The following ZNF430 variants were observed in gnomAD, a reference collection of about 807,000 sequenced individuals.
The protein encoded by ZNF430 is zinc finger protein 430.
Under a neutral mutation model 56.7 loss-of-function variants are expected in ZNF430, and 35 were observed. That is an observed-to-expected ratio of 0.62 (90% CI 0.47 to 0.82). ZNF430 has a LOEUF of 0.82. Among genes scored for constraint, ZNF430 ranks in the 40% least tolerant of loss-of-function variants. The probability of loss-of-function intolerance (pLI) is 0.00; values close to 1 mark genes in which losing one functional copy is unlikely to be tolerated. For synonymous variants in ZNF430, 212 were observed against 224.3 expected, an observed-to-expected ratio of 0.94 and a Z score of 0.49; for missense variants, 574 against 661.0, an observed-to-expected ratio of 0.87 and a Z score of 1.44.
intron 4 of ZNF430, among the ~76,000 whole-genome samples, chr19:21,056,018 G>A (rs1400381949): frequency 2.0e-5 from 3 of 152,202 alleles, no homozygotes; most frequent in Non-Finnish European, 4.4e-5. Flanking sequence ...TGGCAGTGGG[G>A]AGCAGGAAGA....
chr19:21,054,816 A>G (rs1367665486), intron 4 of ZNF430, among the ~76,000 whole-genome samples: 2 of 151,434 alleles, frequency 1.3e-5, no homozygotes, highest in Admixed American at 6.6e-5. Flanking sequence ...CTGGGACTAC[A>G]GGCGCCCGCC....
chr19:21,048,082 T>C (rs1214361875), intron 4 of ZNF430, among the ~76,000 whole-genome samples: 2 of 152,064 alleles, frequency 1.3e-5, no homozygotes, highest in South Asian at 2.1e-4. Context: ...ATTTTTTCAT[T>C]TTTTGCATAC....
intron 4 of ZNF430, among the ~76,000 whole-genome samples, chr19:21,040,087 C>A (rs1326184777): frequency 6.6e-6 from 1 of 152,180 alleles, no homozygotes; most frequent in Admixed American, 6.5e-5. Flanking sequence ...ATCCTCCCAC[C>A]TTCATCTTCC....
At chr19:21,054,435 T>A (rs1968335514) in intron 4 of ZNF430, among the ~76,000 whole-genome samples, 1 of 151,922 alleles carries the variant, frequency 6.6e-6, no homozygotes. Flanking sequence ...TTGATAGCTA[T>A]TTTTTTCAGG....
rs1968389157 is a variant in ZNF430, at chr19:21,056,937, G to A, written c.629G>A (p.Cys210Tyr). 1.2e-6 allele frequency: 2 copies of A among 1,613,324 alleles called. No individual in the cohort carries two copies. Among genetic ancestry groups the A allele is most frequent in the Non-Finnish European group, 8.5e-7 (1 of 1,179,750 alleles). Residue 210 changes from cysteine (C) to tyrosine (Y), a missense_variant, in exon 5 of 5, where the codon TGT becomes TAT. Physicochemically the swap from Cys to Tyr is radical, Grantham distance 194. Around this residue, in one of 3 missense-constraint regions of ZNF430, gnomAD observed 346 missense variants for 399.1 expected, o/e 0.87. Coordinates refer to ENST00000261560, the MANE Select transcript of ZNF430 (RefSeq NM_025189.4). ...AAGAAGCCTTTCAAATGTAAAAAAT[G>A]TGACAAATCGTTTTGCATGCTTTTA... ...TGKKPFKCKKCDKSFCMLLHL... is the reference protein window; with the variant it reads ...TGKKPFKCKKYDKSFCMLLHL...
In ZNF430 at chr19:21,033,457, G is replaced by A. The variant is rs1342273222; in HGVS notation, c.98G>A (p.Gly33Glu). The change falls in exon 3 of 5, where the codon GGG becomes GAG. Residue 33 changes from glycine to glutamate, a missense_variant and splice_region_variant. Physicochemically the swap from Gly to Glu is moderately conservative, Grantham distance 98 (BLOSUM62 -2). This residue lies in a region of ZNF430 where 346 missense variants were observed against 399.1 expected (regional missense o/e 0.87). Coordinates refer to ENST00000261560, the MANE Select transcript of ZNF430 (RefSeq NM_025189.4). ...NLLVYSFYEK[G>E]PLTFRDVAIE... ...GTCTTGTGTGCTTGTGTTTTTCAGG[G>A]GCCATTGACATTTAGGGATGTGGCC... is the stretch of plus-strand genomic sequence containing the variant. 6.2e-7 allele frequency: 1 copy of A among 1,608,778 alleles called. No individual in the cohort carries two copies. The highest frequency in any genetic ancestry group is 1.1e-5 in the South Asian group (1 of 90,668).
intron 4 of ZNF430, among the ~76,000 whole-genome samples, chr19:21,037,969 A>T (rs1968033656): frequency 6.6e-6 from 1 of 151,596 alleles, no homozygotes; most frequent in African/African-American, 2.4e-5. Context: ...ATTAACTGTG[A>T]CATGTAATTT....
chr19:21,025,282 A>G lies in ZNF430; in HGVS notation c.96+2401A>G, dbSNP rs1381160974. ...TTAGACAATATAAAGTCATTTTCTG[A>G]TGTTTCCATGATGTCTCCATGGCAT... On this transcript the variant is annotated intron_variant, in intron 2 of 4. Transcript: ENST00000261560. Among the ~76,000 whole-genome samples the G allele has an allele frequency of 2.6e-5, 4 of 152,316 alleles. No individual in the cohort carries two copies. In the South Asian group the frequency reaches 8.3e-4, roughly 32 times the overall value.
rs764196589 is a variant in ZNF430 at position 21,057,851 on chromosome 19, T to C, written c.1543T>C (p.Tyr515His). 2.5e-6 allele frequency: 4 copies of C among 1,613,966 alleles called. No individual in the cohort carries two copies. The highest frequency in any genetic ancestry group is 3.3e-5 in the Admixed American group (2 of 60,012). The change falls in exon 5 of 5, where the codon TAC becomes CAC. Residue 515 changes from tyrosine (Y) to histidine (H), a missense_variant. Physicochemically the swap from Tyr to His is moderately conservative, Grantham distance 83. Around this residue, in one of 3 missense-constraint regions of ZNF430, gnomAD observed 213 missense variants for 221.0 expected, o/e 0.96. Transcript: ENST00000261560. The part of the protein sequence containing the change: ...ITHIGDTSYK[Y>H]LECDKAFSQS... ...TCATATTGGAGATACATCTTACAAA[T>C]ACCTAGAATGTGATAAAGCCTTTAG...
rs1599513437 is a variant in ZNF430, at chr19:21,059,803, G to T, written c.*1782G>T. ...TAAAAACATGAGTCTTTTTTATTAG[G>T]TGGCCATTATTTATGATCTTTTCTA... On this transcript the variant is annotated 3_prime_UTR_variant, in exon 5 of 5. Coordinates refer to ENST00000261560, the MANE Select transcript of ZNF430 (RefSeq NM_025189.4). 2.0e-5 allele frequency: 3 copies of T among 151,924 alleles called. No individual in the cohort carries two copies. Among genetic ancestry groups the T allele is most frequent in the African/African-American group, 7.2e-5 (3 of 41,448 alleles). 9.4% of individuals were successfully genotyped at this position (151,924 alleles called of 1,614,324 possible). A position where few individuals can be genotyped will look rare whatever the true frequency, so the allele number is the denominator to read the frequency against.
intron 4 of ZNF430, chr19:21,035,134 T>G (rs988047429): frequency 3.3e-5 from 5 of 152,194 alleles, no homozygotes; most frequent in African/African-American, 1.2e-4. Context: ...AGGGAATTTA[T>G]TGAATCTATA....
At chr19:21,044,264 C>G (rs923236953) in intron 4 of ZNF430, among the ~76,000 whole-genome samples, 3 of 151,968 alleles carry the variant, frequency 2.0e-5, no homozygotes, top group African/African-American at 4.8e-5. Context: ...CCATAAATAC[C>G]TAGTTTATTG....
chr19:21,020,966 G>T (rs1974287070), intron 1 of ZNF430, among the ~76,000 whole-genome samples, 163 bp downstream of exon 1: 2 of 152,186 alleles, frequency 1.3e-5, no homozygotes, highest in African/African-American at 4.8e-5. Flanking sequence ...TAAGATGGCG[G>T]CTGCGCTGAC....
intron 4 of ZNF430, among the ~76,000 whole-genome samples, chr19:21,037,895 C>A (rs1315496283): frequency 6.6e-6 from 1 of 151,760 alleles, no homozygotes; most frequent in South Asian, 2.1e-4. Context: ...AAATTTAGTT[C>A]AATTGTTAAT....
At chr19:21,021,214 A>G (rs775199256) in intron 1 of ZNF430, among the ~76,000 whole-genome samples, 8 of 152,026 alleles carry the variant, frequency 5.3e-5, no homozygotes, top group Non-Finnish European at 8.8e-5. Context: ...TTAAAAATGT[A>G]CAGACCGGGA....
intron 4 of ZNF430, among the ~76,000 whole-genome samples, chr19:21,054,843 T>G (rs1968345461): frequency 1.3e-5 from 2 of 151,650 alleles, no homozygotes; most frequent in Admixed American, 1.3e-4. Flanking sequence ...CCCGGCTGAT[T>G]TTTTCTTTTT....
rs145942996 is a variant in ZNF430 at position 21,030,993 on chromosome 19, A to G, written c.97-2463A>G. Among the ~76,000 whole-genome samples, 141 of 152,058 alleles carry G rather than the reference A, an allele frequency of 9.3e-4. 1 individual carries two copies. The highest frequency in any genetic ancestry group is 3.2e-3 in the African/African-American group (131 of 41,468). ...CGCCTCCTGGGTTCAAGCCATTCTT[A>G]TGCCTCAGCCTCCTGAGTAGCTGGG... On this transcript the variant is annotated intron_variant, in intron 2 of 4. Coordinates refer to ENST00000261560, the MANE Select transcript of ZNF430 (RefSeq NM_025189.4).
chr19:21,036,752 A>G (rs967698401), intron 4 of ZNF430: 21 of 151,414 alleles, frequency 1.4e-4, no homozygotes, highest in African/African-American at 4.9e-4. Context: ...GAAGTGAGCC[A>G]TAATTGTACC....
chr19:21,038,989 A>G (rs1244438709), intron 4 of ZNF430, among the ~76,000 whole-genome samples: 1 of 151,960 alleles, frequency 6.6e-6, no homozygotes, highest in Non-Finnish European at 1.5e-5. Flanking sequence ...TCTCTCTGTC[A>G]TCCAGGCTGG....
Sources: allele counts gnomAD v4.1 joint callset (sites outside exome capture counted in the v4.1 genomes callset), GRCh38; gene constraint gnomAD v4.1.1; regional missense constraint gnomAD v4.1.1; transcripts MANE v1.5; gene names NCBI Gene and HGNC (gene_info 2026-07-23, HGNC 2026-07-21).